Variants in CABLES1 observed in about 807,000 individuals in gnomAD.
CABLES1 encodes the protein CDK5 and ABL1 enzyme substrate 1.
A neutral mutation model predicts 57.8 loss-of-function variants in CABLES1; 36 were observed. The ratio of observed to expected loss-of-function variants is 0.62; its 90% confidence interval spans 0.48 to 0.82. The LOEUF is 0.82. Ranked by LOEUF, CABLES1 falls within the 40% of genes least tolerant of loss-of-function variation. The pLI is 0.00. For synonymous variants in CABLES1, 374 were observed against 363.0 expected (o/e 1.03, Z -0.35); for missense variants, 767 against 836.6 (o/e 0.92, Z 1.03).
intron 1 of CABLES1, among the ~76,000 whole-genome samples, chr18:23,178,838 G>A (rs1357941550): frequency 6.6e-6 from 1 of 152,074 alleles, no homozygotes; most frequent in African/African-American, 2.4e-5. Context: ...TGTATTCTCT[G>A]TAAACATTTA....
chr18:23,249,999 CAG>C (rs71702912), intron 7 of CABLES1, among the ~76,000 whole-genome samples: 3,640 of 152,296 alleles, frequency 0.024, 153 homozygotes, highest in African/African-American at 0.083. Flanking sequence ...CTGTTGCAAA[CAG>C]AGGTGGGACA....
intron 1 of CABLES1, among the ~76,000 whole-genome samples, chr18:23,150,520 CGTA>C (rs1400238769): frequency 6.6e-6 from 1 of 151,946 alleles, no homozygotes; most frequent in African/African-American, 2.4e-5. Context: ...CCAGCCAGGT[CGTA>C]GTAGTTTTTC....
chr18:23,167,652 AG>A (rs1417680639), intron 1 of CABLES1, among the ~76,000 whole-genome samples: 2 of 148,310 alleles, frequency 1.3e-5, no homozygotes, highest in South Asian at 4.3e-4. Context: ...CTAAATCAAG[AG>A]GGAGAGCCAG....
At chr18:23,209,382 C>T (rs562254103) in intron 3 of CABLES1, among the ~76,000 whole-genome samples, 40 of 152,216 alleles carry the variant, frequency 2.6e-4, no homozygotes, top group Non-Finnish European at 4.6e-4. Flanking sequence ...GCCACAACCA[C>T]AGGTACTGGG....
At chr18:23,144,555 C>T (rs537473873) in intron 1 of CABLES1, among the ~76,000 whole-genome samples, 5 of 152,346 alleles carry the variant, frequency 3.3e-5, no homozygotes, top group South Asian at 2.1e-4. Flanking sequence ...GTGCCACATC[C>T]TTCACGTATG....
chr18:23,188,565 G>GTGTGTGTGTGTGTGTGTA (rs1214748940), intron 1 of CABLES1, among the ~76,000 whole-genome samples: 1 of 152,080 alleles, frequency 6.6e-6, no homozygotes, highest in African/African-American at 2.4e-5. Context: ...GTGTGTGTGT[G>GTGTGTGTGTGTGTGTGTA]TCCTTGGGGG....
intron 3 of CABLES1, 104 bp downstream of exon 3, chr18:23,194,644 A>G: frequency 1.4e-6 from 1 of 730,746 alleles, no homozygotes; most frequent in Non-Finnish European, 2.4e-6. Flanking sequence ...GCAAGCCCAC[A>G]CTTTTAAGAT....
rs1041737054 is a variant in CABLES1 at position 23,259,888 on chromosome 18, G to A, written c.*2521G>A. ...TGCCCCCTCTCAGGACTGCCCTGAG[G>A]CCTCTCCAGTCCTCCCCACACTCAG... On this transcript the variant is annotated 3_prime_UTR_variant, in exon 10 of 10. Coordinates refer to ENST00000256925, the MANE Select transcript of CABLES1 (RefSeq NM_001100619.3). 2.0e-5 allele frequency: 3 copies of A among 152,404 alleles called. No individual in the cohort carries two copies. Among genetic ancestry groups the A allele is most frequent in the African/African-American group, 7.2e-5 (3 of 41,400 alleles). The allele number at this position is 152,404 out of a possible 1,614,324, so 9.4% of individuals were successfully genotyped here. A position where few individuals can be genotyped will look rare whatever the true frequency, so the allele number is the denominator to read the frequency against.
intron 3 of CABLES1, among the ~76,000 whole-genome samples, chr18:23,194,847 T>C (rs1375018856): frequency 6.6e-6 from 1 of 152,218 alleles, no homozygotes; most frequent in African/African-American, 2.4e-5. Context: ...AGTTGAGTTT[T>C]GGGGAGTTTT....
chr18:23,161,754 C>CAAAAAA lies in CABLES1; in HGVS notation c.845+25163_845+25168dup, dbSNP rs1184010487. On this transcript the variant is annotated intron_variant, in intron 1 of 9. Coordinates refer to ENST00000256925, the MANE Select transcript of CABLES1 (RefSeq NM_001100619.3). ...TGAAACCCCGTCTCTACTAAAAATC[C>CAAAAAA]AAAAAAAAAAAAAAAAAAAAAGCCA... is the stretch of plus-strand genomic sequence containing the variant. Among the ~76,000 whole-genome samples the CAAAAAA allele has an allele frequency of 7.2e-4, 24 of 33,146 alleles. 1 individual carries two copies. The highest frequency in any genetic ancestry group is 1.2e-3 in the Admixed American group (3 of 2,468). 21.7% of individuals were successfully genotyped at this position (33,146 alleles called of 152,430 possible). A position where few individuals can be genotyped will look rare whatever the true frequency, so the allele number is the denominator to read the frequency against.
At position 23,150,207 on chromosome 18, in the gene CABLES1, G is replaced by GTTTTTTT. The variant is rs10638130; in HGVS notation, c.845+13613_845+13619dup. The stretch of plus-strand genomic sequence containing the variant: ...TTTAAGGTCATAGTAGTTGGTGTTT[G>GTTTTTTT]TTTTTTTTTTTTTTTTTTTGAGACG... On this transcript the variant is annotated intron_variant, in intron 1 of 9. Coordinates refer to ENST00000256925, the MANE Select transcript of CABLES1 (RefSeq NM_001100619.3). 1.5e-3 allele frequency among the ~76,000 whole-genome samples: 159 copies of GTTTTTTT among 106,610 alleles called. 6 individuals are homozygous for GTTTTTTT. Among genetic ancestry groups the GTTTTTTT allele is most frequent in the African/African-American group, 3.8e-3 (92 of 24,352 alleles). 69.9% of individuals were successfully genotyped at this position (106,610 alleles called of 152,430 possible). A position where few individuals can be genotyped will look rare whatever the true frequency, so the allele number is the denominator to read the frequency against.
chr18:23,227,204 C>G (rs565151118), intron 4 of CABLES1, among the ~76,000 whole-genome samples: 17 of 152,280 alleles, frequency 1.1e-4, no homozygotes, highest in African/African-American at 4.1e-4. Context: ...TTAGAGCCTT[C>G]AAGCCTAAAT....
Position 23,240,359 on chromosome 18 carries a change from T to C in CABLES1, c.1446+3114T>C, listed in dbSNP as rs191995629. Among the ~76,000 whole-genome samples the C allele has an allele frequency of 1.1e-3, 169 of 152,032 alleles. 1 individual carries two copies. Among genetic ancestry groups the C allele is most frequent in the Admixed American group, 2.5e-3 (38 of 15,296 alleles). On this transcript the variant is annotated intron_variant, in intron 7 of 9. Transcript: ENST00000256925. ...CTGTAGAAGTCGTTGCCCTTCCCCC[T>C]ACACACACACAGGCAGGAGGCAGAG... is the stretch of plus-strand genomic sequence containing the variant.
At position 23,135,716 on chromosome 18, in the gene CABLES1, C is replaced by T; in HGVS notation, c.-47C>T. ...CGCCCGCCGCTTAGCGCTCGGGCGC[C>T]GCTCGCTTCTCCGGGCATCGCGGAA... On this transcript the variant is annotated 5_prime_UTR_variant, in exon 1 of 10. Coordinates refer to ENST00000256925, the MANE Select transcript of CABLES1 (RefSeq NM_001100619.3). 2.0e-6 allele frequency: 2 copies of T among 985,440 alleles called. No homozygotes were observed. The highest frequency in any genetic ancestry group is 1.2e-6 in the Non-Finnish European group (1 of 831,420). The allele number at this position is 985,440 out of a possible 1,614,324, so 61.0% of individuals were successfully genotyped here. A position where few individuals can be genotyped will look rare whatever the true frequency, so the allele number is the denominator to read the frequency against.
intron 3 of CABLES1, among the ~76,000 whole-genome samples, chr18:23,198,298 T>C (rs905253999): frequency 2.6e-5 from 4 of 152,174 alleles, no homozygotes; most frequent in Admixed American, 2.0e-4. Flanking sequence ...TTTGTTTCAT[T>C]AACTCAAAAC....
At chr18:23,192,938 T>C (rs2047255429) in intron 2 of CABLES1, among the ~76,000 whole-genome samples, 1 of 152,042 alleles carries the variant, frequency 6.6e-6, no homozygotes, top group South Asian at 2.1e-4. Flanking sequence ...ACACCTATAA[T>C]CCCAGCACTT....
intron 1 of CABLES1, among the ~76,000 whole-genome samples, chr18:23,140,749 T>TA (rs1388670505): frequency 1.3e-5 from 2 of 152,104 alleles, no homozygotes; most frequent in African/African-American, 2.4e-5. Context: ...AGGGTACTAT[T>TA]AAAAAATAGC....
At chr18:23,153,891 T>C (rs1598801351) in intron 1 of CABLES1, among the ~76,000 whole-genome samples, 1 of 151,872 alleles carries the variant, frequency 6.6e-6, no homozygotes, top group South Asian at 2.1e-4. Context: ...ATTAGCTGAG[T>C]GTGATAGCAC....
At chr18:23,204,071 TC>T (rs531326350) in intron 3 of CABLES1, among the ~76,000 whole-genome samples, 199 of 152,282 alleles carry the variant, frequency 1.3e-3, no homozygotes, top group African/African-American at 4.1e-3. Flanking sequence ...GGTTCCAGGC[TC>T]TTCCTTCACT....
Sources: gnomAD v4.1 joint callset for allele counts (sites outside exome capture counted in the v4.1 genomes callset) on GRCh38, gnomAD v4.1.1 for gene constraint, MANE v1.5 for transcripts, NCBI Gene and HGNC (gene_info 2026-07-23, HGNC 2026-07-21) for gene names.